Variants in SNX19 observed in about 807,000 individuals in gnomAD.
SNX19 encodes the protein sorting nexin-19.
Under a neutral mutation model 85.2 loss-of-function variants are expected in SNX19, and 60 were observed. The observed-to-expected ratio is 0.70, with a 90% CI of 0.57 to 0.87. The LOEUF is 0.87. SNX19 is among the 40% of genes least tolerant of loss of function. SNX19 has a pLI of 0.00. For synonymous variants in SNX19, 520 were observed against 470.0 expected (o/e 1.11, Z -1.38); for missense variants, 1,201 against 1,217.8 (o/e 0.99, Z 0.21).
intron 8 of SNX19, among the ~76,000 whole-genome samples, chr11:130,890,380 C>G (rs1251461360): frequency 6.6e-6 from 1 of 152,126 alleles, no homozygotes. Flanking sequence ...ACTTTGGCCC[C>G]TTCAATTAAT....
intron 1 of SNX19, among the ~76,000 whole-genome samples, chr11:130,912,330 T>C (rs570326358): frequency 2.6e-5 from 4 of 152,236 alleles, no homozygotes; most frequent in Admixed American, 2.6e-4. Context: ...ACGTATCATC[T>C]GTATCACAGA....
intron 8 of SNX19, among the ~76,000 whole-genome samples, chr11:130,887,791 G>A (rs538803193): frequency 8.5e-5 from 13 of 152,110 alleles, no homozygotes; most frequent in African/African-American, 3.1e-4. Flanking sequence ...CCGTGATTTT[G>A]CCAACCTCAA....
Position 130,916,103 on chromosome 11 carries a change from C to T in SNX19, c.-164G>A. On this transcript the variant is annotated 5_prime_UTR_variant, in exon 1 of 11. Transcript: ENST00000265909. The stretch of plus-strand genomic sequence containing the variant: ...AAGTCCTACAGGCACTGCAAAGCGA[C>T]AGCTGCAGCTCCGCGTCTCCCCATG... 2 of 624,096 alleles carry T rather than the reference C, an allele frequency of 3.2e-6. No homozygotes were observed. The highest frequency in any genetic ancestry group is 2.8e-6 in the Non-Finnish European group (1 of 358,178). The allele number at this position is 624,096 out of a possible 1,614,324, so 38.7% of individuals were successfully genotyped here.
intron 7 of SNX19, 110 bp from the exon 8 acceptor site, chr11:130,903,494 G>A: frequency 3.2e-6 from 4 of 1,236,414 alleles, no homozygotes; most frequent in African/African-American, 1.5e-5. Context: ...CCAATCATCT[G>A]GTATTTTTGC....
chr11:130,909,320 T>C (rs922241667), intron 4 of SNX19, among the ~76,000 whole-genome samples: 1 of 152,256 alleles, frequency 6.6e-6, no homozygotes, highest in African/African-American at 2.4e-5. Context: ...CATGAAATTC[T>C]ATTTTATTTG....
chr11:130,896,409 A>T (rs912512234), intron 8 of SNX19, among the ~76,000 whole-genome samples: 2 of 152,234 alleles, frequency 1.3e-5, no homozygotes, highest in Non-Finnish European at 2.9e-5. Flanking sequence ...CAGAATATGC[A>T]GACAAAAATA....
chr11:130,906,856 C>T, intron 5 of SNX19, 135 bp from the exon 6 acceptor site: 1 of 668,672 alleles, frequency 1.5e-6, no homozygotes, highest in Non-Finnish European at 2.6e-6. Flanking sequence ...GTGGTCAGAG[C>T]TGCCAGGAAA....
chr11:130,911,650 A>C lies in SNX19; in HGVS notation c.1796T>G (p.Leu599Arg). The C allele has an allele frequency of 1.2e-6, 2 of 1,614,170 alleles. No homozygotes were observed. The highest frequency in any genetic ancestry group is 1.7e-6 in the Non-Finnish European group (2 of 1,180,036). ...LQTRLEEKPD[L>R]RKFIKNVKGP... ...CTCCTGACTTTTGATGAACTTTCGT[A>C]GATCTGGTTTCTCCTCCAGACGGGT... Residue 599 changes from leucine to arginine, a missense_variant, in exon 2 of 11, where the codon CTA (leucine) becomes CGA (arginine). Leu to Arg is a moderately radical substitution (Grantham distance 102, BLOSUM62 -2). Around this residue, in one of 3 missense-constraint regions of SNX19, gnomAD observed 791 missense variants for 750.9 expected, o/e 1.05. Coordinates refer to ENST00000265909, the MANE Select transcript of SNX19 (RefSeq NM_014758.3).
chr11:130,903,284 A>G lies in SNX19; in HGVS notation c.2544T>C (p.Leu848=). Residue 848 remains leucine, a synonymous_variant, in exon 8 of 11, where the codon CTT becomes CTC. Transcript: ENST00000265909. ...GAACTAGGGTCCCAAAGATAAGACG[A>G]AGAAACTTTTGCATGTTTTCGGTAC... ...WLCTENMQKF[L]RLIFGTLVQR... The G allele has an allele frequency of 1.2e-6, 2 of 1,613,974 alleles. No homozygotes were observed. The highest frequency in any genetic ancestry group is 8.5e-7 in the Non-Finnish European group (1 of 1,179,864).
At chr11:130,904,611 T>A (rs1945510767) in intron 7 of SNX19, among the ~76,000 whole-genome samples, 1 of 151,382 alleles carries the variant, frequency 6.6e-6, no homozygotes, top group Non-Finnish European at 1.5e-5. Flanking sequence ...GCTGCCACCA[T>A]GTGGTAACAA....
At position 130,908,136 on chromosome 11, in the gene SNX19, C is replaced by T. The variant is rs1203293749; in HGVS notation, c.2035-53G>A. The T allele has an allele frequency of 6.9e-6, 11 of 1,596,566 alleles. No homozygotes were observed. In the Admixed American group the frequency reaches 7.1e-5, roughly 10 times the overall value. On this transcript the variant is annotated intron_variant, in intron 4 of 10. Transcript: ENST00000265909. ...TCCATCCACATCCACAGATGGAAAC[C>T]GCCAAGCAAGCAGTCGCCTCACAGC... is the stretch of plus-strand genomic sequence containing the variant.
At chr11:130,882,423 C>T (rs976632202) in intron 8 of SNX19, among the ~76,000 whole-genome samples, 1 of 152,250 alleles carries the variant, frequency 6.6e-6, no homozygotes, top group Non-Finnish European at 1.5e-5. Flanking sequence ...AGTCTGCATT[C>T]CACTCAAGCT....
At chr11:130,882,640 C>CA (rs1267938468) in intron 8 of SNX19, among the ~76,000 whole-genome samples, 19 of 152,218 alleles carry the variant, frequency 1.2e-4, no homozygotes, top group Admixed American at 1.2e-3. Flanking sequence ...TAGGGCTTTT[C>CA]ATTCAGTGAG....
intron 8 of SNX19, among the ~76,000 whole-genome samples, chr11:130,890,551 C>G (rs1209244971): frequency 6.6e-6 from 1 of 152,170 alleles, no homozygotes; most frequent in East Asian, 1.9e-4. Context: ...TCCCTTTAAA[C>G]TCTTCACTGT....
chr11:130,887,756 T>G (rs927499428), intron 8 of SNX19, among the ~76,000 whole-genome samples: 16 of 152,204 alleles, frequency 1.1e-4, no homozygotes, highest in Admixed American at 2.6e-4. Context: ...ATTTCTCCCC[T>G]ATGTCTCTTC....
At chr11:130,879,210 G>A (rs1335146882) in intron 10 of SNX19, among the ~76,000 whole-genome samples, 1 of 152,214 alleles carries the variant, frequency 6.6e-6, no homozygotes, top group Non-Finnish European at 1.5e-5. Context: ...GGCTCATGGT[G>A]AACATCTTTA....
chr11:130,914,941 G>A lies in SNX19; in HGVS notation c.999C>T (p.His333=), dbSNP rs1346503742. The change falls in exon 1 of 11, where the codon CAC becomes CAT. Residue 333 remains histidine, a synonymous_variant. Transcript: ENST00000265909. ...AGPSPEVEEG[H]EAVEGDLGGM... The stretch of plus-strand genomic sequence containing the variant: ...CACCCAAATCTCCCTCTACAGCTTC[G>A]TGGCCTTCTTCAACCTCTGGAGAGG... 3 of 1,613,932 alleles carry A rather than the reference G, an allele frequency of 1.9e-6. No homozygotes were observed. The highest frequency in any genetic ancestry group is 1.3e-5 in the African/African-American group (1 of 74,860).
chr11:130,891,678 A>G (rs2135330148), intron 8 of SNX19, among the ~76,000 whole-genome samples: 1 of 152,308 alleles, frequency 6.6e-6, no homozygotes. Context: ...GGGAGGAAAG[A>G]CCAAAAGCAA....
rs1366678603 is a variant in SNX19, at chr11:130,914,998, T to C, written c.942A>G (p.Leu314=). 5 of 1,614,154 alleles carry C rather than the reference T, an allele frequency of 3.1e-6. No homozygotes were observed. Among genetic ancestry groups the C allele is most frequent in the Non-Finnish European group, 4.2e-6 (5 of 1,180,000 alleles). Residue 314 remains leucine, a synonymous_variant, in exon 1 of 11, where the codon CTA becomes CTG. Transcript: ENST00000265909. ...RASPVAAPVF[L]SYSEPEGSAG... is the part of the protein sequence containing the mutation. ...CAGAACCCTCTGGCTCACTGTAACT[T>C]AGGAATACTGGGGCTGCTACTGGAG...
Sources: gnomAD v4.1 joint callset for allele counts (sites outside exome capture counted in the v4.1 genomes callset) on GRCh38, gnomAD v4.1.1 for gene constraint, gnomAD v4.1.1 regional missense constraint, MANE v1.5 for transcripts, NCBI Gene and HGNC (gene_info 2026-07-23, HGNC 2026-07-21) for gene names.